The following ASAP2 variants were observed in gnomAD, a reference collection of about 807,000 sequenced individuals.
ASAP2 encodes the protein ArfGAP with SH3 domain, ankyrin repeat and PH domain 2, also known as arf-GAP with SH3 domain, ANK repeat and PH domain-containing protein 2.
A neutral mutation model predicts 131.4 loss-of-function variants in ASAP2; 45 were observed. The ratio of observed to expected loss-of-function variants is 0.34; its 90% CI spans 0.27 to 0.44. The LOEUF (loss-of-function observed/expected upper bound fraction) is 0.44. Among genes scored for constraint, ASAP2 ranks in the 20% least tolerant of loss-of-function variants. ASAP2 has a pLI of 1.00. For missense variants in ASAP2, 1,011 were observed against 1,297.0 expected (o/e 0.78, Z 3.39); for synonymous variants, 510 against 503.0 (o/e 1.01, Z -0.19).
Position 9,368,487 on chromosome 2 carries a change from G to A in ASAP2, c.1524G>A (p.Glu508=), listed in dbSNP as rs1324179780. 1 of 1,613,994 alleles carries A rather than the reference G, an allele frequency of 6.2e-7. No individual in the cohort carries two copies. Among genetic ancestry groups the A allele is most frequent in the Non-Finnish European group, 8.5e-7 (1 of 1,180,022 alleles). ...TCATGGAATGTTGCCTACCAGCTGAGGACTCAGTCAAACCCAACCCAGGCA... is the reference window on the plus strand; with the variant it reads ...TCATGGAATGTTGCCTACCAGCTGAAGACTCAGTCAAACCCAACCCAGGCA... ...NEIMECCLPA[E]DSVKPNPGSD... The change falls in exon 16 of 28, where the codon GAG becomes GAA. Residue 508 remains glutamate, a synonymous_variant. Transcript: ENST00000281419.
chr2:9,215,201 T>C (rs1661930749), intron 1 of ASAP2, among the ~76,000 whole-genome samples: 1 of 152,188 alleles, frequency 6.6e-6, no homozygotes, highest in Non-Finnish European at 1.5e-5. Flanking sequence ...GGTATTTGTG[T>C]ATCTAAACAT....
At chr2:9,248,942 T>C (rs1158124688) in intron 1 of ASAP2, among the ~76,000 whole-genome samples, 1 of 152,154 alleles carries the variant, frequency 6.6e-6, no homozygotes, top group East Asian at 1.9e-4. Flanking sequence ...CAGAAGGAGG[T>C]AATTTGTGTA....
chr2:9,379,848 C>T lies in ASAP2; in HGVS notation c.1948+789C>T, dbSNP rs552847452. ...CTCCACTAAAAATACAAAAATTAGC[C>T]GGGTATGGTGGCGCGCACCTGTAGG... On this transcript the variant is annotated intron_variant, in intron 19 of 27. Coordinates refer to ENST00000281419, the MANE Select transcript of ASAP2 (RefSeq NM_003887.3). Among the ~76,000 whole-genome samples the T allele has an allele frequency of 2.1e-4, 32 of 152,012 alleles. 1 individual carries two copies. In the South Asian group the frequency reaches 5.8e-3, roughly 28 times the overall value.
intron 12 of ASAP2, among the ~76,000 whole-genome samples, chr2:9,354,816 A>G (rs921249117): frequency 2.0e-5 from 3 of 152,172 alleles, no homozygotes; most frequent in Non-Finnish European, 4.4e-5. Flanking sequence ...CTAAGAACCA[A>G]CGTGCTTTCA....
In ASAP2 at chr2:9,232,428, G is replaced by A. The variant is rs185012898; in HGVS notation, c.126+25198G>A. Among the ~76,000 whole-genome samples the A allele has an allele frequency of 2.0e-5, 3 of 152,312 alleles. No homozygotes were observed. Among genetic ancestry groups the A allele is most frequent in the Admixed American group, 1.3e-4 (2 of 15,302 alleles). On this transcript the variant is annotated intron_variant, in intron 1 of 27. Transcript: ENST00000281419. The surrounding 1 kb of genome is among the most constrained non-coding windows in gnomAD (Gnocchi z 4.1). ...CCCCGTACCCCTTTCGCAGCTGACT[G>A]TCCACATTATACTGTCTGTATCTGT...
Position 9,368,446 on chromosome 2 carries a change from G to T in ASAP2, c.1483G>T (p.Ala495Ser), listed in dbSNP as rs1558373903. Reference protein sequence around the residue: ...ELLLAKNIGNAGFNEIMECCL... With the variant: ...ELLLAKNIGNSGFNEIMECCL... ...GCAGCTCGCCAAGAATATTGGGAATGCAGGCTTTAATGAGATCATGGAATG... is the reference window on the plus strand; with the variant it reads ...GCAGCTCGCCAAGAATATTGGGAATTCAGGCTTTAATGAGATCATGGAATG... Residue 495 changes from alanine (A) to serine (S), a missense_variant, in exon 16 of 28, where the codon GCA becomes TCA. By Grantham distance (99) the Ala-to-Ser change is moderately conservative. This residue lies in a region of ASAP2 where 652 missense variants were observed against 698.9 expected (regional missense o/e 0.93). Coordinates refer to ENST00000281419, the MANE Select transcript of ASAP2 (RefSeq NM_003887.3). 4 of 1,614,178 alleles carry T rather than the reference G, an allele frequency of 2.5e-6. No individual in the cohort carries two copies. The South Asian group carries it at 3.3e-5, about 13-fold the overall frequency.
chr2:9,299,611 G>A (rs1668358369), intron 3 of ASAP2, among the ~76,000 whole-genome samples: 1 of 152,162 alleles, frequency 6.6e-6, no homozygotes, highest in African/African-American at 2.4e-5. Context: ...TCATGGCGAA[G>A]GGAAGTCCCA....
chr2:9,401,424 C>T (rs369823992), intron 27 of ASAP2, 28 bp downstream of exon 27: 11 of 1,609,316 alleles, frequency 6.8e-6, no homozygotes, highest in Non-Finnish European at 8.5e-6. Flanking sequence ...CTGGGAGGTT[C>T]CTGGGGGCTG....
At chr2:9,218,180 C>G (rs1662187221) in intron 1 of ASAP2, among the ~76,000 whole-genome samples, 2 of 152,154 alleles carry the variant, frequency 1.3e-5, no homozygotes, top group South Asian at 2.1e-4. Flanking sequence ...GCTGGGCTCT[C>G]TGTTGCCTGG....
At chr2:9,344,960 C>T (rs1671866535) in intron 11 of ASAP2, among the ~76,000 whole-genome samples, 160 bp downstream of exon 11, 1 of 148,562 alleles carries the variant, frequency 6.7e-6, no homozygotes, top group Non-Finnish European at 1.5e-5. Flanking sequence ...TGGCCTCCGT[C>T]TTGATTTGGT....
intron 1 of ASAP2, among the ~76,000 whole-genome samples, chr2:9,278,314 A>G (rs1281779051): frequency 6.6e-6 from 1 of 152,022 alleles, no homozygotes; most frequent in African/African-American, 2.4e-5. Context: ...GGAGTTTGAG[A>G]CCATCCTGTC....
intron 18 of ASAP2, among the ~76,000 whole-genome samples, chr2:9,377,751 GTCC>G (rs916657996): frequency 2.0e-4 from 31 of 152,294 alleles, no homozygotes; most frequent in African/African-American, 6.7e-4. Context: ...TGCATTTTGT[GTCC>G]TCTGCTTTTT....
intron 2 of ASAP2, among the ~76,000 whole-genome samples, chr2:9,284,828 G>A (rs1451658264): frequency 6.6e-6 from 1 of 152,206 alleles, no homozygotes; most frequent in South Asian, 2.1e-4. Context: ...AATTTTAGAT[G>A]TAAGTGGTGT....
chr2:9,320,500 G>A (rs1439170474), intron 5 of ASAP2, among the ~76,000 whole-genome samples, 163 bp downstream of exon 5: 1 of 152,206 alleles, frequency 6.6e-6, no homozygotes, highest in Non-Finnish European at 1.5e-5. Flanking sequence ...TGTGTTTGGT[G>A]ATGCTGTCTT....
intron 11 of ASAP2, among the ~76,000 whole-genome samples, chr2:9,350,014 T>C (rs931664011): frequency 6.6e-6 from 1 of 152,220 alleles, no homozygotes; most frequent in African/African-American, 2.4e-5. Context: ...CCACTCCCAT[T>C]TGGATATTCC....
intron 1 of ASAP2, among the ~76,000 whole-genome samples, chr2:9,264,359 C>T (rs187152001): frequency 1.0e-3 from 155 of 152,262 alleles, no homozygotes; most frequent in African/African-American, 3.5e-3. Flanking sequence ...CCCGTGCTGG[C>T]GTCACCACTG....
chr2:9,375,745 C>T (rs1161732480), intron 17 of ASAP2, among the ~76,000 whole-genome samples: 1 of 152,222 alleles, frequency 6.6e-6, no homozygotes, highest in Non-Finnish European at 1.5e-5. Context: ...GAGAAGACAT[C>T]TCAGAAGCTA....
At chr2:9,250,942 G>T (rs547253665) in intron 1 of ASAP2, among the ~76,000 whole-genome samples, 1 of 152,224 alleles carries the variant, frequency 6.6e-6, no homozygotes, top group Admixed American at 6.5e-5. Flanking sequence ...GAAACGAGGC[G>T]TGGTGAAAGT....
intron 7 of ASAP2, among the ~76,000 whole-genome samples, chr2:9,334,266 C>G (rs902526704): frequency 9.6e-5 from 14 of 145,502 alleles, no homozygotes; most frequent in African/African-American, 3.6e-4. Context: ...GCCAGCTGGT[C>G]TGGAACTCCT....
Sources: gnomAD v4.1 joint callset for allele counts (sites outside exome capture counted in the v4.1 genomes callset) on GRCh38, gnomAD v4.1.1 for gene constraint, gnomAD v4.1.1 regional missense constraint, Gnocchi (gnomAD v3.1) non-coding constraint, MANE v1.5 for transcripts, NCBI Gene and HGNC (gene_info 2026-07-23, HGNC 2026-07-21) for gene names.